The following SMIM27 variants were observed in gnomAD, a reference collection of about 807,000 sequenced individuals.
SMIM27 encodes TOPORS antisense RNA 1 (non-protein coding).
SMIM27 carries 3 observed loss-of-function variants against 1.8 expected under a neutral mutation model. The observed-to-expected ratio is 1.65, with a 90% CI of 0.75 to 4.28. The LOEUF is 4.28. Among genes scored for constraint, SMIM27 ranks in the 30% most tolerant of loss-of-function variants. SMIM27 has a pLI of 0.02. For missense variants in SMIM27, 63 were observed against 37.0 expected (o/e 1.70, Z -1.83); for synonymous variants, 19 against 13.9 (o/e 1.37, Z -0.82).
At chr9:32,555,658 T>C (rs1349018112), downstream of SMIM27, among the ~76,000 whole-genome samples, 1 of 152,334 alleles carries the variant, frequency 6.6e-6, no homozygotes, top group Middle Eastern at 3.4e-3. Context: ...GCCAGAATGT[T>C]TGAAATTAAA....
downstream of SMIM27, among the ~76,000 whole-genome samples, chr9:32,554,143 T>C (rs970656433): frequency 3.3e-5 from 5 of 152,164 alleles, no homozygotes; most frequent in African/African-American, 4.8e-5. Context: ...AGTGAAATAA[T>C]AGGGAAATTT....
downstream of SMIM27, among the ~76,000 whole-genome samples, chr9:32,555,635 T>G (rs964716349): frequency 6.6e-6 from 1 of 152,238 alleles, no homozygotes; most frequent in Admixed American, 6.5e-5. Context: ...AAACATATAG[T>G]TTACAGAATC....
At chr9:32,555,875 T>C (rs1821441660), downstream of SMIM27, among the ~76,000 whole-genome samples, 1 of 152,246 alleles carries the variant, frequency 6.6e-6, no homozygotes, top group Non-Finnish European at 1.5e-5. Flanking sequence ...CCCATTCAAG[T>C]AATTTCTCAC....
chr9:32,566,461 C>G lies in SMIM27; in HGVS notation c.*8C>G. 4.9e-6 allele frequency: 4 copies of G among 809,174 alleles called. No homozygotes were observed. The South Asian group carries it at 5.3e-5, about 11-fold the overall frequency. The allele number at this position is 809,174 out of a possible 1,614,324, so 50.1% of individuals were successfully genotyped here. ...GTTGATGGAGTATCTTGACAAGCAG[C>G]CGTCCATGTCGAAGGGACCCTGGCA... On this transcript the variant is annotated 3_prime_UTR_variant, in exon 2 of 2. Coordinates refer to the SMIM27 transcript ENST00000451672.
chr9:32,558,884 G>A (rs763350754), intron 1 of SMIM27: 2 of 1,457,332 alleles, frequency 1.4e-6, no homozygotes, highest in South Asian at 2.6e-5. Flanking sequence ...ATAAACAAAA[G>A]AAAAATCAGA....
At chr9:32,551,578 C>T (rs979059930), upstream of SMIM27, 7 of 252,056 alleles carry the variant, frequency 2.8e-5, no homozygotes, top group Non-Finnish European at 5.9e-5. Context: ...TAGACTAAAA[C>T]TCTTTTAAGA....
chr9:32,561,771 T>C (rs556255348), intron 1 of SMIM27, among the ~76,000 whole-genome samples: 13 of 152,310 alleles, frequency 8.5e-5, no homozygotes, highest in African/African-American at 3.1e-4. Context: ...CAACTTCAGG[T>C]GTTTCTTCCT....
Position 32,552,599 on chromosome 9 carries a change from C to G in SMIM27, c.45+120C>G, listed in dbSNP as rs1002459052. The G allele has an allele frequency of 5.8e-6, 5 of 860,858 alleles. No homozygotes were observed. In the Admixed American group the frequency reaches 1.0e-4, roughly 17 times the overall value. The allele number at this position is 860,858 out of a possible 1,614,324, so 53.3% of individuals were successfully genotyped here. On this transcript the variant is annotated intron_variant, in intron 1 of 1. Transcript: ENST00000692500. ...CCATTCCTGAATTAAGCATTTCACT[C>G]CCTCACCTCGACTCCGCCTCTTCCT...
At chr9:32,566,569 G>A (rs1821796370) in exon 2 of SMIM27, 1 of 781,574 alleles carries the variant, frequency 1.3e-6, no homozygotes, top group Non-Finnish European at 2.4e-6. Context: ...TGCACAGACT[G>A]GAGCTTCTGG....
chr9:32,560,546 T>C (rs377433097), intron 1 of SMIM27, among the ~76,000 whole-genome samples: 1 of 152,242 alleles, frequency 6.6e-6, no homozygotes, highest in Non-Finnish European at 1.5e-5. Context: ...TAAGATAATC[T>C]GGCTAACAGA....
At chr9:32,564,171 T>C (rs888535344) in intron 1 of SMIM27, among the ~76,000 whole-genome samples, 1 of 152,182 alleles carries the variant, frequency 6.6e-6, no homozygotes, top group African/African-American at 2.4e-5. Flanking sequence ...TCTATATCTA[T>C]TTCTAGGTCT....
At chr9:32,566,128 G>A (rs369996505) in intron 1 of SMIM27, 40 of 563,582 alleles carry the variant, frequency 7.1e-5, no homozygotes, top group South Asian at 5.2e-4. Flanking sequence ...GAACAAAGAC[G>A]AGAATATGGT....
At chr9:32,553,585 G>C (rs1460720810), downstream of SMIM27, 3 of 343,450 alleles carry the variant, frequency 8.7e-6, no homozygotes, top group South Asian at 6.1e-5. Flanking sequence ...CCAAATTAGT[G>C]TAAGTACTGT....
At chr9:32,565,217 C>T (rs1230788244) in intron 1 of SMIM27, among the ~76,000 whole-genome samples, 2 of 151,608 alleles carry the variant, frequency 1.3e-5, no homozygotes, top group Non-Finnish European at 2.9e-5. Flanking sequence ...CACTTGAACC[C>T]AGGAGGCAGA....
intron 1 of SMIM27, among the ~76,000 whole-genome samples, chr9:32,558,088 G>C (rs1821519104): frequency 6.6e-6 from 1 of 150,924 alleles, no homozygotes; most frequent in South Asian, 2.1e-4. Flanking sequence ...TTTCAAATTA[G>C]TACTATAGCT....
chr9:32,557,605 CAGT>C (rs1821503049), downstream of SMIM27, among the ~76,000 whole-genome samples: 1 of 151,700 alleles, frequency 6.6e-6, no homozygotes, highest in Admixed American at 6.6e-5. Context: ...TCAGCATCCT[CAGT>C]AGCTGGGATT....
downstream of SMIM27, chr9:32,553,405 G>A (rs1286419140): frequency 5.7e-6 from 1 of 176,200 alleles, no homozygotes; most frequent in African/African-American, 2.4e-5. Flanking sequence ...TAGCCATGAT[G>A]GTCTCGATCT....
At chr9:32,554,502 T>C (rs1218930368), downstream of SMIM27, among the ~76,000 whole-genome samples, 3 of 152,214 alleles carry the variant, frequency 2.0e-5, no homozygotes, top group Admixed American at 6.5e-5. Context: ...ACAAGCTGTA[T>C]AGTTTTAAGA....
chr9:32,566,387 C>A, intron 1 of SMIM27: 1 of 1,030,488 alleles, frequency 9.7e-7, no homozygotes, highest in Non-Finnish European at 1.5e-6. Context: ...ACTATGTGAT[C>A]CAGGTTCCAG....
Sources: gnomAD v4.1 joint callset for allele counts (sites outside exome capture counted in the v4.1 genomes callset) on GRCh38, gnomAD v4.1.1 for gene constraint, MANE v1.5 for transcripts, NCBI Gene and HGNC (gene_info 2026-07-23, HGNC 2026-07-21) for gene names.